The following CSMD1 variants were observed in gnomAD, a reference collection of about 807,000 sequenced individuals.
CSMD1 encodes the protein CUB and Sushi multiple domains 1, also known as CUB and sushi domain-containing protein 1.
In CSMD1, 213 loss-of-function variants were observed where a neutral mutation model predicts 417.5. That is an observed-to-expected ratio of 0.51 (90% CI 0.46 to 0.57). The LOEUF (loss-of-function observed/expected upper bound fraction) is 0.57, where lower values mean the gene tolerates loss of function less well. Ranked by LOEUF, CSMD1 falls within the 20% of genes least tolerant of loss-of-function variation. The probability of loss-of-function intolerance (pLI) is 0.00; values close to 1 mark genes in which losing one functional copy is unlikely to be tolerated. For missense variants in CSMD1, 6,923 were observed against 4,529.7 expected (o/e 1.53, Z -15.17); for synonymous variants, 2,862 against 1,736.8 (o/e 1.65, Z -16.11).
chr8:4,354,880 G>GTC (rs1460161551), intron 3 of CSMD1, among the ~76,000 whole-genome samples: 2 of 147,186 alleles, frequency 1.4e-5, no homozygotes, highest in Non-Finnish European at 3.0e-5. Flanking sequence ...GTGTGTGTGT[G>GTC]TGTGTGTGTG....
intron 5 of CSMD1, among the ~76,000 whole-genome samples, chr8:3,954,800 T>G (rs981815579): frequency 1.3e-5 from 2 of 151,776 alleles, no homozygotes; most frequent in Non-Finnish European, 2.9e-5. Flanking sequence ...ACGCAGAGCC[T>G]CCTTGCCCCT....
chr8:4,169,478 T>C (rs751962628), intron 3 of CSMD1, among the ~76,000 whole-genome samples: 2 of 152,154 alleles, frequency 1.3e-5, no homozygotes, highest in Admixed American at 1.3e-4. Flanking sequence ...TCTGACTCAA[T>C]TCTGACCACC....
intron 12 of CSMD1, among the ~76,000 whole-genome samples, chr8:3,459,670 G>C (rs1321457782): frequency 1.3e-5 from 2 of 152,150 alleles, no homozygotes; most frequent in Non-Finnish European, 2.9e-5. Context: ...CAGAGAACCA[G>C]AGAGGGCACC....
rs556774656 is a variant in CSMD1, at chr8:4,076,735, C to G, written c.416-44636G>C. Among the ~76,000 whole-genome samples the G allele has an allele frequency of 5.3e-5, 8 of 152,284 alleles. No homozygotes were observed. The South Asian group carries it at 1.7e-3, about 32-fold the overall frequency. On this transcript the variant is annotated intron_variant, in intron 3 of 69. Transcript: ENST00000635120. Reference sequence around the variant, plus strand: ...CTACTCATCTCTGGCTCTCCAAGCCCTGACCCACCCTGGGGAATGACCTCA... The same window carrying G: ...CTACTCATCTCTGGCTCTCCAAGCCGTGACCCACCCTGGGGAATGACCTCA...
intron 26 of CSMD1, among the ~76,000 whole-genome samples, chr8:3,268,729 G>A (rs1801619417): frequency 6.6e-6 from 1 of 152,052 alleles, no homozygotes; most frequent in African/African-American, 2.4e-5. Context: ...TTCTCCATGG[G>A]GTACTGTTGT....
At position 4,473,898 on chromosome 8, in the gene CSMD1, G is replaced by C. The variant is rs899296200; in HGVS notation, c.303-53833C>G. Among the ~76,000 whole-genome samples, 11 of 152,068 alleles carry C rather than the reference G, an allele frequency of 7.2e-5. No individual in the cohort carries two copies. In the East Asian group the frequency reaches 2.1e-3, roughly 29 times the overall value. ...ATGAGAGAGGTAGCTTTTCAAATCA[G>C]TGAAAAAGAACAAACTAATCAATAA... On this transcript the variant is annotated intron_variant, in intron 2 of 69. Transcript: ENST00000635120.
intron 3 of CSMD1, among the ~76,000 whole-genome samples, chr8:4,300,404 C>G (rs1408582074): frequency 6.6e-6 from 1 of 152,136 alleles, no homozygotes; most frequent in Non-Finnish European, 1.5e-5. Flanking sequence ...CCTCAAGACA[C>G]TTTTGTAAGC....
chr8:3,893,148 G>C lies in CSMD1; in HGVS notation c.818+104755C>G, dbSNP rs142574865. ...ATCCTCACACAAAAAGGTAATCAAAGAGTCTTTAGCCAAAGCTGCAGTGAA... is the reference window on the plus strand; with the variant it reads ...ATCCTCACACAAAAAGGTAATCAAACAGTCTTTAGCCAAAGCTGCAGTGAA... On this transcript the variant is annotated intron_variant, in intron 5 of 69. Transcript: ENST00000635120. Among the ~76,000 whole-genome samples, 279 of 151,628 alleles carry C rather than the reference G, an allele frequency of 1.8e-3. 4 individuals carry two copies. Among genetic ancestry groups the C allele is most frequent in the African/African-American group, 6.3e-3 (261 of 41,404 alleles).
At chr8:3,718,451 G>T (rs547062850) in intron 6 of CSMD1, among the ~76,000 whole-genome samples, 1 of 152,282 alleles carries the variant, frequency 6.6e-6, no homozygotes, top group East Asian at 1.9e-4. Flanking sequence ...AAAGCCTGAT[G>T]TTATAAGTCA....
chr8:3,624,232 T>A (rs1035533803), intron 7 of CSMD1, among the ~76,000 whole-genome samples: 1 of 152,178 alleles, frequency 6.6e-6, no homozygotes, highest in African/African-American at 2.4e-5. Flanking sequence ...CCATATGGTT[T>A]CAACCACGAG....
intron 1 of CSMD1, among the ~76,000 whole-genome samples, chr8:4,951,945 C>T (rs1161830921): frequency 6.6e-6 from 1 of 151,304 alleles, no homozygotes; most frequent in Non-Finnish European, 1.5e-5. Flanking sequence ...TCCCCTAGGC[C>T]TGAAACTGGT....
intron 10 of CSMD1, among the ~76,000 whole-genome samples, chr8:3,544,252 C>G (rs966170731): frequency 1.3e-5 from 2 of 152,130 alleles, no homozygotes; most frequent in African/African-American, 4.8e-5. Flanking sequence ...CCCCGACATC[C>G]TGATACCTTG....
intron 7 of CSMD1, among the ~76,000 whole-genome samples, chr8:3,647,929 G>C (rs17066746): frequency 0.011 from 1,600 of 152,344 alleles, 15 homozygotes; most frequent in Non-Finnish European, 0.018. Flanking sequence ...TGTTTTGTTT[G>C]TAAGAGACAT....
chr8:4,835,934 A>G (rs1563541167), intron 1 of CSMD1, among the ~76,000 whole-genome samples: 1 of 152,088 alleles, frequency 6.6e-6, no homozygotes, highest in Non-Finnish European at 1.5e-5. Context: ...AGTACAAAGG[A>G]GGGAAATTTA....
At chr8:3,101,160 G>A (rs970986270) in intron 46 of CSMD1, among the ~76,000 whole-genome samples, 1 of 151,656 alleles carries the variant, frequency 6.6e-6, no homozygotes, top group South Asian at 2.1e-4. Context: ...TTTAAAGTCA[G>A]GTCCTAGTCT....
intron 11 of CSMD1, among the ~76,000 whole-genome samples, chr8:3,487,327 A>G (rs1452831628): frequency 6.6e-6 from 1 of 151,982 alleles, no homozygotes; most frequent in Non-Finnish European, 1.5e-5. Context: ...TCAGCCTCCC[A>G]AGTAGATGGG....
intron 10 of CSMD1, among the ~76,000 whole-genome samples, chr8:3,495,674 A>C (rs1796334828): frequency 6.6e-6 from 1 of 152,248 alleles, no homozygotes; most frequent in Non-Finnish European, 1.5e-5. Flanking sequence ...GTAAAATAGA[A>C]GTATGTGTAT....
chr8:4,216,164 C>A (rs532700325), intron 3 of CSMD1, among the ~76,000 whole-genome samples: 2 of 152,172 alleles, frequency 1.3e-5, no homozygotes, highest in Non-Finnish European at 2.9e-5. Context: ...CAGGACAGGA[C>A]CAGCCTATGA....
intron 18 of CSMD1, among the ~76,000 whole-genome samples, chr8:3,372,591 C>T (rs1248566780): frequency 6.6e-5 from 10 of 152,080 alleles, no homozygotes; most frequent in East Asian, 3.9e-4. Context: ...ATGGGCATTA[C>T]GATAAAAAGG....
Sources: gnomAD v4.1 joint callset for allele counts (sites outside exome capture counted in the v4.1 genomes callset) on GRCh38, gnomAD v4.1.1 for gene constraint, MANE v1.5 for transcripts, NCBI Gene and HGNC (gene_info 2026-07-23, HGNC 2026-07-21) for gene names.